Variants in RFX3 observed in about 807,000 individuals in gnomAD.
The protein encoded by RFX3 is regulatory factor X3.
A neutral mutation model predicts 98.6 loss-of-function variants in RFX3; 14 were observed. The observed-to-expected ratio is 0.14, with a 90% confidence interval of 0.09 to 0.22. The LOEUF (loss-of-function observed/expected upper bound fraction) is 0.22, where lower values mean the gene tolerates loss of function less well. Ranked by LOEUF, RFX3 falls within the 10% of genes least tolerant of loss-of-function variation. The pLI, the probability that RFX3 is intolerant of heterozygous loss-of-function variation, is 1.00. For missense variants in RFX3, 639 were observed against 926.9 expected (o/e 0.69, Z 4.03); for synonymous variants, 383 against 328.4 (o/e 1.17, Z -1.80).
chr9:3,426,563 T>C (rs1421154944), intron 1 of RFX3, among the ~76,000 whole-genome samples: 1 of 152,044 alleles, frequency 6.6e-6, no homozygotes, highest in African/African-American at 2.4e-5. Flanking sequence ...TGAAGCTTCA[T>C]CTCTATTTAC....
chr9:3,320,300 C>T (rs1831113234), intron 4 of RFX3, among the ~76,000 whole-genome samples: 1 of 152,114 alleles, frequency 6.6e-6, no homozygotes, highest in Non-Finnish European at 1.5e-5. Context: ...CGCCTGTAGT[C>T]CCAGCACTTT....
At position 3,345,940 on chromosome 9, in the gene RFX3, TGG is replaced by T. The variant is rs1834399824; in HGVS notation, c.215+725_215+726del. On this transcript the variant is annotated intron_variant, in intron 3 of 16. Transcript: ENST00000617270. Reference sequence around the variant, plus strand: ...GGAGTATACCAACACTGATGGGAGGTGGGCAGAAGAGTCAGTGAGAGAACCTG... The same window carrying T: ...GGAGTATACCAACACTGATGGGAGGTGCAGAAGAGTCAGTGAGAGAACCTG... Among the ~76,000 whole-genome samples the T allele has an allele frequency of 2.6e-5, 4 of 152,156 alleles. No homozygotes were observed. In the South Asian group the frequency reaches 8.3e-4, roughly 32 times the overall value.
intron 1 of RFX3, among the ~76,000 whole-genome samples, chr9:3,436,806 T>C (rs1845166099): frequency 6.6e-6 from 1 of 152,066 alleles, no homozygotes; most frequent in Non-Finnish European, 1.5e-5. Flanking sequence ...ACTGGAATTC[T>C]ATTACTCAGA....
chr9:3,433,492 T>C (rs1050631433), intron 1 of RFX3, among the ~76,000 whole-genome samples: 2 of 152,220 alleles, frequency 1.3e-5, no homozygotes, highest in African/African-American at 4.8e-5. Context: ...AAATATGTGT[T>C]AATCAACTGT....
At chr9:3,445,419 T>C (rs947132381) in intron 1 of RFX3, among the ~76,000 whole-genome samples, 6 of 152,270 alleles carry the variant, frequency 3.9e-5, no homozygotes, top group East Asian at 1.9e-4. Flanking sequence ...GATAGCTATT[T>C]TTCCCATTTT....
At chr9:3,363,342 T>C (rs1836678046) in intron 2 of RFX3, among the ~76,000 whole-genome samples, 1 of 152,190 alleles carries the variant, frequency 6.6e-6, no homozygotes, top group Non-Finnish European at 1.5e-5. Flanking sequence ...TTGGCAACTC[T>C]AGAGAGACCA....
intron 2 of RFX3, among the ~76,000 whole-genome samples, chr9:3,382,538 T>C (rs1839302910): frequency 6.6e-6 from 1 of 152,120 alleles, no homozygotes; most frequent in Non-Finnish European, 1.5e-5. Flanking sequence ...CTAACTATAA[T>C]TTTTTAGTTT....
intron 1 of RFX3, among the ~76,000 whole-genome samples, chr9:3,518,657 TAAAG>T (rs1818413777): frequency 6.6e-6 from 1 of 152,166 alleles, no homozygotes; most frequent in East Asian, 1.9e-4. Context: ...AATATAGAAA[TAAAG>T]GAAATTACTG....
chr9:3,517,745 C>T (rs559646392), intron 1 of RFX3, among the ~76,000 whole-genome samples: 2 of 152,310 alleles, frequency 1.3e-5, no homozygotes, highest in Admixed American at 1.3e-4. Flanking sequence ...AGAAGGGAGC[C>T]TTCTGAATCA....
At position 3,228,903 on chromosome 9, in the gene RFX3, G is replaced by A. The variant is rs766407943; in HGVS notation, c.1969-14C>T. 6 of 1,608,634 alleles carry A rather than the reference G, an allele frequency of 3.7e-6. No individual in the cohort carries two copies. Among genetic ancestry groups the A allele is most frequent in the Non-Finnish European group, 4.2e-6 (5 of 1,177,292 alleles). On this transcript the variant is annotated splice_polypyrimidine_tract_variant and intron_variant, in intron 15 of 16. Transcript: ENST00000617270. ...TAAATCACCAAACTGCAAAACAATA[G>A]TCATTTGTGCAATAGTTAATATAGG... is the stretch of plus-strand genomic sequence containing the variant.
chr9:3,376,168 T>G (rs1295446587), intron 2 of RFX3, among the ~76,000 whole-genome samples: 1 of 152,074 alleles, frequency 6.6e-6, no homozygotes, highest in Non-Finnish European at 1.5e-5. Flanking sequence ...TGGCTAAAAT[T>G]AAAAATATTG....
intron 15 of RFX3, chr9:3,247,284 A>T (rs1441129479): frequency 1.0e-6 from 1 of 987,524 alleles, no homozygotes; most frequent in East Asian, 1.1e-4. Context: ...CTTTTTGATA[A>T]GCCATTTTGA....
chr9:3,384,246 A>C (rs1020830995), intron 2 of RFX3, among the ~76,000 whole-genome samples: 10 of 152,190 alleles, frequency 6.6e-5, no homozygotes, highest in African/African-American at 2.4e-4. Context: ...CCTCCAATAC[A>C]TATTGAGCAT....
rs75298484 is a variant in RFX3 at position 3,295,401 on chromosome 9, T to C, written c.550-2143A>G. On this transcript the variant is annotated intron_variant, in intron 5 of 16. Coordinates refer to ENST00000617270, the MANE Select transcript of RFX3 (RefSeq NM_001282116.2). ...TTGTACAACAGTGCTGGTTCTTGTT[T>C]TGTGTACATATACTAGACAGAGCAA... Among the ~76,000 whole-genome samples the C allele has an allele frequency of 7.4e-3, 1,123 of 152,152 alleles. 15 individuals carry two copies. Among genetic ancestry groups the C allele is most frequent in the African/African-American group, 0.025 (1,052 of 41,534 alleles).
chr9:3,484,737 A>G (rs901328096), intron 1 of RFX3, among the ~76,000 whole-genome samples: 1 of 152,190 alleles, frequency 6.6e-6, no homozygotes, highest in Non-Finnish European at 1.5e-5. Context: ...AAGGTAATAA[A>G]GCAATTAAGT....
chr9:3,461,331 T>A (rs1157678674), intron 1 of RFX3, among the ~76,000 whole-genome samples: 1 of 151,984 alleles, frequency 6.6e-6, no homozygotes, highest in African/African-American at 2.4e-5. Flanking sequence ...GATACCGTGT[T>A]AGATGGTAGA....
At chr9:3,525,663 ACACGAACACACACACG>A in intron 1 of RFX3, 68 bp downstream of exon 1, 1 of 156,346 alleles carries the variant, frequency 6.4e-6, no homozygotes, top group South Asian at 2.0e-4. Flanking sequence ...CGGCTCGCAC[ACACGAACACACACACG>A]CACGGACACA....
At chr9:3,236,477 C>G (rs1456796939) in intron 15 of RFX3, among the ~76,000 whole-genome samples, 2 of 152,182 alleles carry the variant, frequency 1.3e-5, no homozygotes, top group Non-Finnish European at 2.9e-5. Context: ...TATCCTGGTC[C>G]TCTGGACAGT....
At chr9:3,510,678 G>A (rs1817585019) in intron 1 of RFX3, among the ~76,000 whole-genome samples, 1 of 151,924 alleles carries the variant, frequency 6.6e-6, no homozygotes, top group South Asian at 2.1e-4. Flanking sequence ...TGTAAATGTT[G>A]AAACTCATCT....
Sources: allele counts gnomAD v4.1 joint callset (sites outside exome capture counted in the v4.1 genomes callset), GRCh38; gene constraint gnomAD v4.1.1; transcripts MANE v1.5; gene names NCBI Gene and HGNC (gene_info 2026-07-23, HGNC 2026-07-21).